ZBTB20: variants seen among roughly 807,000 people sequenced by gnomAD.
ZBTB20 encodes the protein zinc finger and BTB domain containing 20.
Under a neutral mutation model 56.9 loss-of-function variants are expected in ZBTB20, and 9 were observed. That is an observed-to-expected ratio of 0.16 (90% CI 0.10 to 0.28). The LOEUF is 0.28. Ranked by LOEUF, ZBTB20 falls within the 10% of genes least tolerant of loss-of-function variation. The pLI is 1.00. For synonymous variants in ZBTB20, 417 were observed against 420.7 expected (o/e 0.99, Z 0.11); for missense variants, 655 against 1,003.0 (o/e 0.65, Z 4.69).
At chr3:114,345,697 G>T (rs2080131276) in intron 11 of ZBTB20, among the ~76,000 whole-genome samples, 1 of 152,074 alleles carries the variant, frequency 6.6e-6, no homozygotes, top group East Asian at 1.9e-4. Context: ...GATTTAGGAT[G>T]TCTGGGGTGG....
At chr3:114,915,504 C>T (rs1477548092) in intron 3 of ZBTB20, among the ~76,000 whole-genome samples, 1 of 151,724 alleles carries the variant, frequency 6.6e-6, no homozygotes, top group Non-Finnish European at 1.5e-5. Context: ...AAATGTCTGT[C>T]AATTTTGTTT....
At chr3:114,997,170 C>G (rs2079061729) in intron 2 of ZBTB20, among the ~76,000 whole-genome samples, 1 of 151,762 alleles carries the variant, frequency 6.6e-6, no homozygotes, top group Non-Finnish European at 1.5e-5. Context: ...AGAGAGAAAT[C>G]TCCAGTATCA....
At chr3:114,915,838 A>C (rs1281837875) in intron 3 of ZBTB20, among the ~76,000 whole-genome samples, 2 of 152,020 alleles carry the variant, frequency 1.3e-5, no homozygotes, top group Non-Finnish European at 2.9e-5. Context: ...TCAGGAGTAC[A>C]CTGTTTAATT....
chr3:115,025,726 C>T (rs1223907872), intron 2 of ZBTB20, among the ~76,000 whole-genome samples: 4 of 150,536 alleles, frequency 2.7e-5, no homozygotes, highest in African/African-American at 7.3e-5. Context: ...AAAAACTCCA[C>T]TTTCTTGCTT....
intron 4 of ZBTB20, among the ~76,000 whole-genome samples, chr3:114,898,159 G>A (rs986548129): frequency 6.6e-6 from 1 of 152,052 alleles, no homozygotes; most frequent in Non-Finnish European, 1.5e-5. Flanking sequence ...TTTTATTTTT[G>A]TGTTTTAGTG....
chr3:115,017,718 GTTTC>G (rs1203377196), intron 2 of ZBTB20, among the ~76,000 whole-genome samples: 6 of 151,386 alleles, frequency 4.0e-5, no homozygotes, highest in African/African-American at 9.7e-5. Flanking sequence ...CATCACTATA[GTTTC>G]TTTATCAAAT....
At chr3:114,505,575 C>T (rs7653113) in intron 6 of ZBTB20, among the ~76,000 whole-genome samples, 40,889 of 151,900 alleles carry the variant, frequency 0.27, 7,357 homozygotes, top group African/African-American at 0.52. Flanking sequence ...ATCTTTTTTC[C>T]TTAACTACTC....
chr3:114,979,557 A>C (rs1180575783), intron 2 of ZBTB20, among the ~76,000 whole-genome samples: 1 of 152,050 alleles, frequency 6.6e-6, no homozygotes, highest in Non-Finnish European at 1.5e-5. Flanking sequence ...TGAGTACAAA[A>C]TGAATAGAAA....
At chr3:114,771,755 T>G (rs1484978424) in intron 5 of ZBTB20, among the ~76,000 whole-genome samples, 1 of 152,190 alleles carries the variant, frequency 6.6e-6, no homozygotes, top group African/African-American at 2.4e-5. Flanking sequence ...TTATCCCCTC[T>G]TTGTCCACGT....
At chr3:114,440,831 G>A (rs1444666388) in intron 7 of ZBTB20, among the ~76,000 whole-genome samples, 1 of 152,132 alleles carries the variant, frequency 6.6e-6, no homozygotes, top group East Asian at 1.9e-4. Context: ...ATTCTCCTGG[G>A]ATATCAGACA....
At chr3:114,531,809 G>C (rs2047874543) in intron 6 of ZBTB20, among the ~76,000 whole-genome samples, 1 of 152,188 alleles carries the variant, frequency 6.6e-6, no homozygotes, top group African/African-American at 2.4e-5. Context: ...CATTGGGACT[G>C]GTTAGACAGT....
Position 114,339,098 on chromosome 3 carries a change from C to T in ZBTB20, c.2133G>A (p.Glu711=), listed in dbSNP as rs374198674. The change falls in exon 12 of 12, where the codon GAG becomes GAA. Residue 711 remains glutamate (E), a synonymous_variant. Coordinates refer to ENST00000675478, the MANE Select transcript of ZBTB20 (RefSeq NM_001348800.3). This position sits in a 1 kb window ranked among gnomAD's most constrained non-coding sequence, Gnocchi z 4.2. ...AGACGGAGCAGACGTAAGTGGTCCCCTCCGTGCAGGCCACCACGCCTGGGG... is the reference window on the plus strand; with the variant it reads ...AGACGGAGCAGACGTAAGTGGTCCCTTCCGTGCAGGCCACCACGCCTGGGG... ...AGPPGVVACT[E]GTTYVCSVCP... 1.5e-5 allele frequency: 24 copies of T among 1,599,190 alleles called. No homozygotes were observed. Among genetic ancestry groups the T allele is most frequent in the Non-Finnish European group, 2.0e-5 (23 of 1,171,598 alleles).
chr3:115,070,011 A>G (rs1192009375), intron 2 of ZBTB20, among the ~76,000 whole-genome samples: 2 of 152,126 alleles, frequency 1.3e-5, no homozygotes, highest in African/African-American at 4.8e-5. Context: ...ATGTAGGACC[A>G]ATGGCTGTCA....
chr3:114,426,100 C>T (rs1458784914), intron 7 of ZBTB20, among the ~76,000 whole-genome samples: 3 of 151,988 alleles, frequency 2.0e-5, no homozygotes, highest in Non-Finnish European at 4.4e-5. Flanking sequence ...CTTTGGGAGG[C>T]CGAGGTGGGC....
chr3:114,406,145 T>C (rs777926630), intron 7 of ZBTB20, among the ~76,000 whole-genome samples: 1 of 152,170 alleles, frequency 6.6e-6, no homozygotes, highest in African/African-American at 2.4e-5. Flanking sequence ...GCTGTCATTG[T>C]AGCACAGTGA....
chr3:114,642,172 T>TA (rs1435021370), intron 6 of ZBTB20, among the ~76,000 whole-genome samples: 3 of 152,016 alleles, frequency 2.0e-5, no homozygotes, highest in Non-Finnish European at 2.9e-5. Flanking sequence ...GACAAGAGAC[T>TA]AAAGAGGGGA....
Position 115,063,290 on chromosome 3 carries a change from A to G in ZBTB20, c.-507+7929T>C, listed in dbSNP as rs375526288. On this transcript the variant is annotated intron_variant, in intron 2 of 11. Transcript: ENST00000675478. The stretch of plus-strand genomic sequence containing the variant: ...TAGACTTGGTTAAACAACAGAATTT[A>G]ACAACAAAAATGTATTTCTCACAGT... Among the ~76,000 whole-genome samples, 3 of 152,346 alleles carry G rather than the reference A, an allele frequency of 2.0e-5. No homozygotes were observed. In the East Asian group the frequency reaches 5.8e-4, roughly 29 times the overall value.
intron 7 of ZBTB20, among the ~76,000 whole-genome samples, chr3:114,465,800 C>T (rs562708978): frequency 5.3e-5 from 8 of 152,106 alleles, no homozygotes; most frequent in African/African-American, 1.7e-4. Context: ...GCTCATGACA[C>T]GGCCATTTAA....
At chr3:114,762,538 C>T (rs1026134315) in intron 5 of ZBTB20, among the ~76,000 whole-genome samples, 2 of 152,158 alleles carry the variant, frequency 1.3e-5, no homozygotes, top group African/African-American at 4.8e-5. Context: ...CAAGGAGGCT[C>T]TCTTCATTTG....
Sources: allele counts gnomAD v4.1 joint callset (sites outside exome capture counted in the v4.1 genomes callset), GRCh38; gene constraint gnomAD v4.1.1; non-coding constraint Gnocchi (gnomAD v3.1); transcripts MANE v1.5; gene names NCBI Gene and HGNC (gene_info 2026-07-23, HGNC 2026-07-21).